Variants in FHAD1 observed in about 807,000 individuals in gnomAD.
FHAD1 encodes the protein forkhead-associated domain-containing protein 1.
A neutral mutation model predicts 191.3 loss-of-function variants in FHAD1; 146 were observed. That is an observed-to-expected ratio of 0.76 (90% CI 0.67 to 0.88). The LOEUF (loss-of-function observed/expected upper bound fraction) is 0.88, where lower values mean the gene tolerates loss of function less well. FHAD1 is among the 40% of genes least tolerant of loss of function. The probability of loss-of-function intolerance (pLI) is 0.00; values close to 1 mark genes in which losing one functional copy is unlikely to be tolerated. For missense variants in FHAD1, 1,635 were observed against 1,785.8 expected, an observed-to-expected ratio of 0.92 and a Z score of 1.52; for synonymous variants, 616 against 672.3, an observed-to-expected ratio of 0.92 and a Z score of 1.29.
Position 15,352,919 on chromosome 1 carries a change from G to T in FHAD1, c.2497G>T (p.Glu833Ter), listed in dbSNP as rs1302400063. The change falls in exon 20 of 34, where the codon GAG (glutamate) becomes TAG (stop). Residue 833 changes from glutamate to a stop codon, truncating the protein, a stop_gained. Coordinates refer to ENST00000688493, the MANE Select transcript of FHAD1 (RefSeq NM_001391957.1). LOFTEE classifies it high-confidence loss of function. ...TGCGTACGAGAAACGCAAAGCAAAGGAGGCCATGGAGAAGGAAAAGAAAAA... is the reference window on the plus strand; with the variant it reads ...TGCGTACGAGAAACGCAAAGCAAAGTAGGCCATGGAGAAGGAAAAGAAAAA... ...NIAYEKRKAK[E>*]AMEKEKKKVQ... 6.4e-7 allele frequency: 1 copy of T among 1,551,354 alleles called. No homozygotes were observed. The highest frequency in any genetic ancestry group is 1.4e-5 in the African/African-American group (1 of 72,920).
At chr1:15,359,048 G>A (rs945665958) in intron 21 of FHAD1, among the ~76,000 whole-genome samples, 19 of 151,934 alleles carry the variant, frequency 1.3e-4, no homozygotes, top group Admixed American at 9.2e-4. Flanking sequence ...GGACAGTGCC[G>A]AAGGAGACTG....
chr1:15,251,456 TC>T (rs1220695782), intron 1 of FHAD1, among the ~76,000 whole-genome samples: 1 of 152,138 alleles, frequency 6.6e-6, no homozygotes, highest in Admixed American at 6.5e-5. Context: ...TGGAGAGCAA[TC>T]ATCACTGGAA....
chr1:15,394,528 C>T (rs1159096377), intron 33 of FHAD1, among the ~76,000 whole-genome samples: 1 of 152,136 alleles, frequency 6.6e-6, no homozygotes, highest in Non-Finnish European at 1.5e-5. Context: ...TGCCCTGAAA[C>T]AATCTTGAAT....
chr1:15,291,373 C>A (rs181068366), intron 4 of FHAD1, among the ~76,000 whole-genome samples: 5 of 152,158 alleles, frequency 3.3e-5, no homozygotes, highest in African/African-American at 1.2e-4. Context: ...GAGCCAACCA[C>A]GCCTGGCCCA....
intron 6 of FHAD1, among the ~76,000 whole-genome samples, chr1:15,304,588 A>G (rs1193200328): frequency 1.1e-4 from 16 of 152,220 alleles, no homozygotes; most frequent in Admixed American, 1.0e-3. Flanking sequence ...TTTTTTAAAA[A>G]AAAATTCCAA....
chr1:15,238,562 G>T (rs1013593922), intron 1 of FHAD1, among the ~76,000 whole-genome samples: 2 of 152,210 alleles, frequency 1.3e-5, no homozygotes, highest in African/African-American at 4.8e-5. Context: ...ATAAGTCAAA[G>T]GACAAAGTGA....
rs1172336022 is a variant in FHAD1, at chr1:15,311,087, T to A, written c.1040-1970T>A. 6.6e-6 allele frequency among the ~76,000 whole-genome samples: 1 copy of A among 152,174 alleles called. No homozygotes were observed. Among genetic ancestry groups the A allele is most frequent in the African/African-American group, 2.4e-5 (1 of 41,442 alleles). ...GAGTGGAAACAAACAAGATGAAATC[T>A]ACGATTGCCCCCGGCTGGCTTGCGC... On this transcript the variant is annotated intron_variant, in intron 7 of 33. Transcript: ENST00000688493. The surrounding 1 kb of genome is among the most constrained non-coding windows in gnomAD (Gnocchi z 4.1).
At chr1:15,376,573 G>T (rs371502995) in intron 28 of FHAD1, among the ~76,000 whole-genome samples, 2 of 152,172 alleles carry the variant, frequency 1.3e-5, no homozygotes, top group African/African-American at 4.8e-5. Flanking sequence ...GTCCAGATCC[G>T]AGCTCTGCGA....
intron 16 of FHAD1, chr1:15,343,868 C>G (rs999996096): frequency 1.3e-5 from 2 of 152,186 alleles, no homozygotes; most frequent in Non-Finnish European, 2.9e-5. Context: ...ATCCCAAATG[C>G]CTTATTTTCT....
At chr1:15,288,849 T>A (rs761384211) in intron 3 of FHAD1, among the ~76,000 whole-genome samples, 2 of 152,208 alleles carry the variant, frequency 1.3e-5, no homozygotes, top group Non-Finnish European at 2.9e-5. Context: ...GGTGACTCTT[T>A]CGGCAAGATG....
chr1:15,262,217 A>T (rs1438817708), intron 2 of FHAD1, among the ~76,000 whole-genome samples: 1 of 152,192 alleles, frequency 6.6e-6, no homozygotes, highest in East Asian at 1.9e-4. Context: ...TGGGACTTGA[A>T]CTCAGAGCTT....
intron 2 of FHAD1, among the ~76,000 whole-genome samples, chr1:15,257,361 C>T (rs1462405588): frequency 2.0e-5 from 3 of 152,348 alleles, no homozygotes; most frequent in Middle Eastern, 3.4e-3. Context: ...TCACATTTCC[C>T]ATGCTATGCG....
upstream of FHAD1, among the ~76,000 whole-genome samples, chr1:15,242,774 C>T (rs1205815395): frequency 6.6e-6 from 1 of 152,130 alleles, no homozygotes; most frequent in Admixed American, 6.5e-5. Context: ...GTGTTTGTGA[C>T]CTGGGTTGAG....
chr1:15,305,436 A>T (rs1236571786), intron 6 of FHAD1, among the ~76,000 whole-genome samples: 1 of 152,170 alleles, frequency 6.6e-6, no homozygotes, highest in Non-Finnish European at 1.5e-5. Context: ...GAAGCAGGCA[A>T]CTAAAGCCTG....
chr1:15,247,022 C>G (rs1646123388), upstream of FHAD1, among the ~76,000 whole-genome samples: 1 of 152,180 alleles, frequency 6.6e-6, no homozygotes, highest in Non-Finnish European at 1.5e-5. Flanking sequence ...CCTCCCTGCT[C>G]CTTCCTCGCT....
At chr1:15,372,084 A>C (rs147283244) in intron 26 of FHAD1, among the ~76,000 whole-genome samples, 4 of 152,316 alleles carry the variant, frequency 2.6e-5, no homozygotes, top group Admixed American at 6.5e-5. Flanking sequence ...AGTGGGAATA[A>C]GCGCTCTGAG....
intron 18 of FHAD1, 92 bp downstream of exon 18, chr1:15,345,615 G>A (rs751633283): frequency 2.0e-5 from 20 of 1,013,814 alleles, no homozygotes; most frequent in Non-Finnish European, 2.7e-5. Context: ...GGGTGAGATC[G>A]TGGTGGAGCC....
intron 22 of FHAD1, among the ~76,000 whole-genome samples, chr1:15,361,059 G>A (rs575251033): frequency 2.0e-4 from 31 of 152,050 alleles, no homozygotes; most frequent in Non-Finnish European, 4.1e-4. Context: ...CTCTGCCATC[G>A]GCCTTTTGCA....
At chr1:15,263,845 T>C (rs1652252245) in intron 2 of FHAD1, among the ~76,000 whole-genome samples, 1 of 152,222 alleles carries the variant, frequency 6.6e-6, no homozygotes, top group South Asian at 2.1e-4. Flanking sequence ...TACTAATACA[T>C]GTGGATATCC....
Sources: allele counts gnomAD v4.1 joint callset (sites outside exome capture counted in the v4.1 genomes callset), GRCh38; gene constraint gnomAD v4.1.1; non-coding constraint Gnocchi (gnomAD v3.1); transcripts MANE v1.5; gene names NCBI Gene and HGNC (gene_info 2026-07-23, HGNC 2026-07-21).